The following RPTOR variants were observed in gnomAD, a reference collection of about 807,000 sequenced individuals.
The protein encoded by RPTOR is regulatory-associated protein of mTOR.
RPTOR carries 21 observed loss-of-function variants against 169.9 expected under a neutral mutation model. That is an observed-to-expected ratio of 0.12 (90% CI 0.09 to 0.18). The LOEUF (loss-of-function observed/expected upper bound fraction) is 0.18, where lower values mean the gene tolerates loss of function less well. RPTOR is among the 10% of genes least tolerant of loss of function. RPTOR has a pLI of 1.00. For synonymous variants in RPTOR, 732 were observed against 753.2 expected (o/e 0.97, Z 0.46); for missense variants, 1,133 against 1,855.9 (o/e 0.61, Z 7.16).
chr17:80,900,035 C>A (rs2068455442), intron 20 of RPTOR, among the ~76,000 whole-genome samples: 1 of 152,206 alleles, frequency 6.6e-6, no homozygotes. Flanking sequence ...CCAATGCCAC[C>A]TGTGTCGAAG....
intron 13 of RPTOR, among the ~76,000 whole-genome samples, chr17:80,872,588 G>A (rs989635859): frequency 1.3e-5 from 2 of 152,220 alleles, no homozygotes; most frequent in East Asian, 3.8e-4. Flanking sequence ...GGGAAGGTGG[G>A]AGGTGTTTGG....
At position 80,670,864 on chromosome 17, in the gene RPTOR, C is replaced by T. The variant is rs542883923; in HGVS notation, c.348+27054C>T. 6.6e-5 allele frequency among the ~76,000 whole-genome samples: 10 copies of T among 152,160 alleles called. No individual in the cohort carries two copies. The East Asian group carries it at 1.9e-3, about 29-fold the overall frequency. On this transcript the variant is annotated intron_variant, in intron 3 of 33. Transcript: ENST00000306801. The stretch of plus-strand genomic sequence containing the variant: ...CCCTCCCCGGTAGCCACAAGGGTCT[C>T]CTCGGTCAGGGGAATGGATTCTCCC...
rs2066156373 is a variant in RPTOR at position 80,708,278 on chromosome 17, C to G, written c.507+279C>G. On this transcript the variant is annotated intron_variant, in intron 4 of 33. Transcript: ENST00000306801. The surrounding 1 kb of genome is among the most constrained non-coding windows in gnomAD (Gnocchi z 4.2). ...GCAGTTGTTTGTAATTCTCCGAGGA[C>G]AGACCTCGAGAGTGTCTGCCTTCTA... is the stretch of plus-strand genomic sequence containing the variant. Among the ~76,000 whole-genome samples the G allele has an allele frequency of 6.6e-6, 1 of 152,222 alleles. No homozygotes were observed. The highest frequency in any genetic ancestry group is 1.5e-5 in the Non-Finnish European group (1 of 68,030).
chr17:80,865,957 C>G (rs1217081982), intron 13 of RPTOR, among the ~76,000 whole-genome samples: 1 of 152,038 alleles, frequency 6.6e-6, no homozygotes, highest in Admixed American at 6.5e-5. Flanking sequence ...GAGTCAAACT[C>G]AAATCAATAA....
chr17:80,952,526 T>TGCCCAGTTGGGCAC (rs913991865), intron 28 of RPTOR, among the ~76,000 whole-genome samples: 4 of 152,252 alleles, frequency 2.6e-5, no homozygotes, highest in African/African-American at 9.6e-5. Context: ...CGGACCCGCT[T>TGCCCAGTTGGGCAC]GCCCAGTTGG....
chr17:80,642,313 C>A (rs551887813), intron 2 of RPTOR, among the ~76,000 whole-genome samples: 1 of 151,944 alleles, frequency 6.6e-6, no homozygotes, highest in Non-Finnish European at 1.5e-5. Context: ...TCAGAAGAGA[C>A]GGAGTTTCAT....
Position 80,923,595 on chromosome 17 carries a change from C to T in RPTOR, c.2730C>T (p.Gly910=). ...DLPSGRPGTT[G]PAGAQYTPHS... The stretch of plus-strand genomic sequence containing the variant: ...CTTCTGGCCGGCCGGGCACCACAGG[C>T]CCCGCTGGGGCGCAGTACACCCCTC... Residue 910 remains glycine (G), a synonymous_variant, in exon 23 of 34, where the codon GGC becomes GGT. Transcript: ENST00000306801. 6.2e-7 allele frequency: 1 copy of T among 1,612,756 alleles called. No individual in the cohort carries two copies. Among genetic ancestry groups the T allele is most frequent in the East Asian group, 2.2e-5 (1 of 44,842 alleles).
rs969875123 is a variant in RPTOR at position 80,708,665 on chromosome 17, C to T, written c.507+666C>T. Among the ~76,000 whole-genome samples the T allele has an allele frequency of 6.7e-6, 1 of 148,422 alleles. No individual in the cohort carries two copies. ...GGTGTGGTGGGTGCTGACTGTTGTC[C>T]CCACCCTCCAGGGTGTGGTGGGTGC... is the stretch of plus-strand genomic sequence containing the variant. On this transcript the variant is annotated intron_variant, in intron 4 of 33. Transcript: ENST00000306801. The surrounding 1 kb of genome is among the most constrained non-coding windows in gnomAD (Gnocchi z 4.2).
In RPTOR at chr17:80,823,361, A is replaced by ATTC; in HGVS notation, c.1136+138_1136+139insTTC. 1 of 968,302 alleles carries ATTC rather than the reference A, an allele frequency of 1.0e-6. No homozygotes were observed. Among genetic ancestry groups the ATTC allele is most frequent in the Non-Finnish European group, 1.4e-6 (1 of 703,024 alleles). The allele number at this position is 968,302 out of a possible 1,614,324, so 60.0% of individuals were successfully genotyped here. A position where few individuals can be genotyped will look rare whatever the true frequency, so the allele number is the denominator to read the frequency against. On this transcript the variant is annotated intron_variant, in intron 9 of 33. Coordinates refer to ENST00000306801, the MANE Select transcript of RPTOR (RefSeq NM_020761.3). This position sits in a 1 kb window ranked among gnomAD's most constrained non-coding sequence, Gnocchi z 4.5. ...CCGTGTAGCATTAACAAGTGAAGCT[A>ATTC]AATGCAGGGCTCCCAGAGATCTCCA...
rs2068210863 is a variant in RPTOR, at chr17:80,883,716, G to C, written c.1651-65G>C. 9 of 1,563,974 alleles carry C rather than the reference G, an allele frequency of 5.8e-6. No homozygotes were observed. The Admixed American group carries it at 1.3e-4, about 23-fold the overall frequency. ...TGGGTGGCCACCGTTGTCCCGTGCA[G>C]GTACCCACCACGTGCCTGCCATTGG... On this transcript the variant is annotated intron_variant, in intron 15 of 33. Transcript: ENST00000306801.
intron 6 of RPTOR, among the ~76,000 whole-genome samples, chr17:80,772,769 G>A (rs866627409): frequency 6.6e-6 from 1 of 152,106 alleles, no homozygotes; most frequent in Middle Eastern, 3.4e-3. Flanking sequence ...TTTTCATTAT[G>A]TACCAGGTAC....
intron 24 of RPTOR, among the ~76,000 whole-genome samples, chr17:80,930,707 C>T (rs1421117313): frequency 2.0e-5 from 3 of 152,252 alleles, no homozygotes; most frequent in Non-Finnish European, 4.4e-5. Flanking sequence ...ATGGAAGCTG[C>T]GTGAAGAACA....
At chr17:80,945,927 G>A (rs904733971) in intron 26 of RPTOR, 146 bp downstream of exon 26, 3 of 489,686 alleles carry the variant, frequency 6.1e-6, no homozygotes, top group South Asian at 7.2e-5. Flanking sequence ...CCTGAGAAAC[G>A]GCCCTACTCA....
At chr17:80,919,150 C>T (rs1462399252) in intron 21 of RPTOR, among the ~76,000 whole-genome samples, 1 of 152,150 alleles carries the variant, frequency 6.6e-6, no homozygotes, top group African/African-American at 2.4e-5. Flanking sequence ...TAAGAGTCAC[C>T]ACGTTGCTTT....
chr17:80,856,361 T>C (rs2067851922), intron 12 of RPTOR, among the ~76,000 whole-genome samples: 1 of 152,242 alleles, frequency 6.6e-6, no homozygotes, highest in South Asian at 2.1e-4. Flanking sequence ...ACATGACATA[T>C]GAGCCTTAAT....
intron 11 of RPTOR, among the ~76,000 whole-genome samples, 167 bp downstream of exon 11, chr17:80,846,741 A>G (rs2067735615): frequency 1.3e-5 from 2 of 152,186 alleles, no homozygotes; most frequent in Admixed American, 1.3e-4. Flanking sequence ...CATTCGGGCA[A>G]ACGGATCACA....
At chr17:80,824,606 GAAAA>G (rs914463236) in intron 9 of RPTOR, among the ~76,000 whole-genome samples, 1 of 150,444 alleles carries the variant, frequency 6.6e-6, no homozygotes, top group African/African-American at 2.4e-5. Context: ...GAAGGAAAAA[GAAAA>G]AAAAAGCTGA....
chr17:80,866,683 C>A (rs1380715805), intron 13 of RPTOR, among the ~76,000 whole-genome samples: 1 of 152,078 alleles, frequency 6.6e-6, no homozygotes, highest in Non-Finnish European at 1.5e-5. Context: ...CATTTGATAA[C>A]TTTGATTCCT....
chr17:80,923,849 C>T (rs576288449), intron 23 of RPTOR, 176 bp downstream of exon 23: 7 of 663,922 alleles, frequency 1.1e-5, no homozygotes, highest in South Asian at 9.8e-5. Context: ...CTGGTCCTCA[C>T]TCGTGCACCC....
Sources: allele counts gnomAD v4.1 joint callset (sites outside exome capture counted in the v4.1 genomes callset), GRCh38; gene constraint gnomAD v4.1.1; non-coding constraint Gnocchi (gnomAD v3.1); transcripts MANE v1.5; gene names NCBI Gene and HGNC (gene_info 2026-07-23, HGNC 2026-07-21).